DLC1: variants seen among roughly 807,000 people sequenced by gnomAD.
DLC1 encodes the protein DLC1 Rho GTPase activating protein.
A neutral mutation model predicts 140.3 loss-of-function variants in DLC1; 54 were observed. The observed-to-expected ratio is 0.38, with a 90% confidence interval of 0.31 to 0.48. The LOEUF (loss-of-function observed/expected upper bound fraction) is 0.48, where lower values mean the gene tolerates loss of function less well. Among genes scored for constraint, DLC1 ranks in the 20% least tolerant of loss-of-function variants. The pLI, the probability that DLC1 is intolerant of heterozygous loss-of-function variation, is 0.96. For synonymous variants in DLC1, 986 were observed against 728.1 expected, an observed-to-expected ratio of 1.35 and a Z score of -5.70; for missense variants, 2,536 against 1,907.0, an observed-to-expected ratio of 1.33 and a Z score of -6.14.
chr8:13,457,444 C>T lies in DLC1; in HGVS notation c.1023+41605G>A, dbSNP rs530621102. Among the ~76,000 whole-genome samples, 18 of 151,844 alleles carry T rather than the reference C, an allele frequency of 1.2e-4. 1 individual carries two copies. In the South Asian group the frequency reaches 3.1e-3, roughly 26 times the overall value. On this transcript the variant is annotated intron_variant, in intron 2 of 17. Coordinates refer to ENST00000276297, the MANE Select transcript of DLC1 (RefSeq NM_182643.3). ...CTGTAATCCCAGCACTTTGAGAGGC[C>T]GAGGCAGGCAGATCATGAGGTCAAG...
intron 4 of DLC1, among the ~76,000 whole-genome samples, chr8:13,380,994 C>T (rs1307047908): frequency 6.6e-6 from 1 of 152,164 alleles, no homozygotes; most frequent in Non-Finnish European, 1.5e-5. Flanking sequence ...TGCCTGCCCT[C>T]ATTTCAAGGC....
At chr8:13,580,069 C>T (rs956084166) in intron 1 of DLC1, among the ~76,000 whole-genome samples, 1 of 152,024 alleles carries the variant, frequency 6.6e-6, no homozygotes, top group Non-Finnish European at 1.5e-5. Flanking sequence ...AGGAGGGCCC[C>T]AATCCCATAT....
chr8:13,204,001 A>T (rs1487258930), intron 5 of DLC1, among the ~76,000 whole-genome samples: 1 of 152,022 alleles, frequency 6.6e-6, no homozygotes, highest in African/African-American at 2.4e-5. Context: ...TGGGTCTTTG[A>T]TGTGTTTTGT....
At chr8:13,428,752 G>T (rs1238303455) in intron 2 of DLC1, among the ~76,000 whole-genome samples, 1 of 152,124 alleles carries the variant, frequency 6.6e-6, no homozygotes, top group Non-Finnish European at 1.5e-5. Context: ...ATGGGATATG[G>T]TGGAACTACA....
intron 5 of DLC1, chr8:13,276,279 C>G (rs933838516): frequency 1.4e-5 from 21 of 1,535,514 alleles, no homozygotes; most frequent in Non-Finnish European, 1.7e-5. Context: ...CCGTCTGTCT[C>G]TAGTGTTTTT....
At chr8:13,552,367 G>A (rs1803896632) in intron 1 of DLC1, among the ~76,000 whole-genome samples, 1 of 149,980 alleles carries the variant, frequency 6.7e-6, no homozygotes, top group Non-Finnish European at 1.5e-5. Flanking sequence ...AATTGGATTT[G>A]CCAGTAAATT....
At chr8:13,362,180 G>T (rs576271602) in intron 4 of DLC1, among the ~76,000 whole-genome samples, 1 of 152,262 alleles carries the variant, frequency 6.6e-6, no homozygotes, top group South Asian at 2.1e-4. Flanking sequence ...AGTCTGGGAA[G>T]CTGAAGACAA....
chr8:13,217,658 C>T (rs773596258), intron 5 of DLC1, among the ~76,000 whole-genome samples: 25 of 151,968 alleles, frequency 1.6e-4, no homozygotes, highest in African/African-American at 2.9e-4. Context: ...CATGGTGAAA[C>T]TCTGTCTCTA....
At chr8:13,107,166 A>G (rs1158930009) in intron 7 of DLC1, among the ~76,000 whole-genome samples, 1 of 152,236 alleles carries the variant, frequency 6.6e-6, no homozygotes, top group African/African-American at 2.4e-5. Context: ...CAAAAAATCT[A>G]TAGTCCCACA....
chr8:13,225,757 A>G lies in DLC1; in HGVS notation c.1348+79512T>C, dbSNP rs572885472. Among the ~76,000 whole-genome samples, 6 of 151,914 alleles carry G rather than the reference A, an allele frequency of 3.9e-5. No individual in the cohort carries two copies. In the South Asian group the frequency reaches 1.3e-3, roughly 32 times the overall value. Reference sequence around the variant, plus strand: ...CAGCCTCCTGAGTAGCTGGGACTACAGGCACCCGCCACCACGCCCGGCTAA... The same window carrying G: ...CAGCCTCCTGAGTAGCTGGGACTACGGGCACCCGCCACCACGCCCGGCTAA... On this transcript the variant is annotated intron_variant, in intron 5 of 17. Coordinates refer to ENST00000276297, the MANE Select transcript of DLC1 (RefSeq NM_182643.3).
chr8:13,300,412 C>T (rs993734563), intron 5 of DLC1, among the ~76,000 whole-genome samples: 3 of 152,294 alleles, frequency 2.0e-5, no homozygotes, highest in East Asian at 1.9e-4. Context: ...TTTGCACATC[C>T]TGCACATGTA....
intron 5 of DLC1, among the ~76,000 whole-genome samples, chr8:13,217,597 G>A (rs1828264987): frequency 6.6e-6 from 1 of 152,126 alleles, no homozygotes; most frequent in Non-Finnish European, 1.5e-5. Flanking sequence ...CACTTTGGGA[G>A]GCTGAGGAGG....
At chr8:13,580,307 G>A (rs1250472163) in intron 1 of DLC1, among the ~76,000 whole-genome samples, 3 of 152,054 alleles carry the variant, frequency 2.0e-5, no homozygotes, top group Admixed American at 1.3e-4. Context: ...ATTTTTAGTA[G>A]AGACAGGGTT....
chr8:13,550,086 T>C (rs1425043068), intron 1 of DLC1, among the ~76,000 whole-genome samples: 1 of 152,096 alleles, frequency 6.6e-6, no homozygotes, highest in Non-Finnish European at 1.5e-5. Flanking sequence ...AGAGAGACAT[T>C]GATATGGTTT....
chr8:13,084,597 G>A lies in DLC1; in HGVS notation c.*1214C>T. ...CATTACCACTTAAATATATTTCCAG[G>A]GCATTCTAAAGGAAAAAAAAAAAAA... On this transcript the variant is annotated 3_prime_UTR_variant, in exon 18 of 18. Coordinates refer to ENST00000276297, the MANE Select transcript of DLC1 (RefSeq NM_182643.3). 1 of 132,656 alleles carries A rather than the reference G, an allele frequency of 7.5e-6. No individual in the cohort carries two copies. The highest frequency in any genetic ancestry group is 3.5e-3 in the Middle Eastern group (1 of 286). The allele number at this position is 132,656 out of a possible 1,614,324, so 8.2% of individuals were successfully genotyped here.
intron 2 of DLC1, among the ~76,000 whole-genome samples, chr8:13,404,554 C>G (rs984326081): frequency 4.6e-5 from 7 of 152,128 alleles, no homozygotes; most frequent in African/African-American, 1.7e-4. Flanking sequence ...TAAAATAACA[C>G]ATTTTATTTT....
At chr8:13,384,798 C>G (rs1836440150) in intron 4 of DLC1, among the ~76,000 whole-genome samples, 1 of 151,994 alleles carries the variant, frequency 6.6e-6, no homozygotes, top group Non-Finnish European at 1.5e-5. Flanking sequence ...GTCCAGGGTT[C>G]AGAACTCACT....
At chr8:13,460,263 G>T (rs912182254) in intron 2 of DLC1, among the ~76,000 whole-genome samples, 1 of 152,138 alleles carries the variant, frequency 6.6e-6, no homozygotes, top group Non-Finnish European at 1.5e-5. Context: ...GCATTTAAAA[G>T]ACTATGTTTC....
At chr8:13,354,806 G>A (rs911538306) in intron 4 of DLC1, among the ~76,000 whole-genome samples, 1 of 150,558 alleles carries the variant, frequency 6.6e-6, no homozygotes, top group Non-Finnish European at 1.5e-5. Context: ...AAAATTAGCT[G>A]GGCATGGTGG....
Sources: gnomAD v4.1 joint callset for allele counts (sites outside exome capture counted in the v4.1 genomes callset) on GRCh38, gnomAD v4.1.1 for gene constraint, MANE v1.5 for transcripts, NCBI Gene and HGNC (gene_info 2026-07-23, HGNC 2026-07-21) for gene names.